Variants in GRIA1 observed in about 807,000 individuals in gnomAD.
The protein encoded by GRIA1 is glutamate ionotropic receptor AMPA type subunit 1.
GRIA1 carries 31 observed loss-of-function variants against 99.2 expected under a neutral mutation model. The observed-to-expected ratio is 0.31, with a 90% CI of 0.23 to 0.42. The LOEUF (loss-of-function observed/expected upper bound fraction) is 0.42, where lower values mean the gene tolerates loss of function less well. GRIA1 is among the 10% of genes least tolerant of loss of function. GRIA1 has a pLI of 1.00. For missense variants in GRIA1, 782 were observed against 1,157.5 expected, an observed-to-expected ratio of 0.68 and a Z score of 4.71; for synonymous variants, 438 against 432.4, an observed-to-expected ratio of 1.01 and a Z score of -0.16.
chr5:153,707,667 C>A (rs1382673974), intron 11 of GRIA1, among the ~76,000 whole-genome samples: 1 of 152,138 alleles, frequency 6.6e-6, no homozygotes, highest in South Asian at 2.1e-4. Flanking sequence ...CTACGTTTTG[C>A]ATTTCATTGT....
At chr5:153,637,862 A>C (rs749965784) in intron 2 of GRIA1, among the ~76,000 whole-genome samples, 3 of 152,196 alleles carry the variant, frequency 2.0e-5, no homozygotes, top group Admixed American at 6.5e-5. Flanking sequence ...AGCACCGTGC[A>C]ATTTTCGTTA....
chr5:153,576,220 G>A (rs1279820340), intron 2 of GRIA1, among the ~76,000 whole-genome samples: 1 of 152,170 alleles, frequency 6.6e-6, no homozygotes, highest in Admixed American at 6.5e-5. Flanking sequence ...ATAGAATTAA[G>A]TATGAATTTC....
chr5:153,692,418 G>A (rs750957086), intron 8 of GRIA1, among the ~76,000 whole-genome samples: 5 of 152,178 alleles, frequency 3.3e-5, no homozygotes, highest in South Asian at 2.1e-4. Flanking sequence ...TTTTTAAATG[G>A]TTGTAATAAA....
At chr5:153,802,591 T>G in intron 15 of GRIA1, 101 bp downstream of exon 15, 1 of 1,205,172 alleles carries the variant, frequency 8.3e-7, no homozygotes, top group Non-Finnish European at 1.2e-6. Context: ...GACAGGTGGT[T>G]GAGGTCAGCA....
chr5:153,701,464 A>C (rs1201049018), intron 10 of GRIA1, among the ~76,000 whole-genome samples: 1 of 151,692 alleles, frequency 6.6e-6, no homozygotes, highest in East Asian at 2.0e-4. Context: ...AATACAAAAA[A>C]TTAGCCGGGC....
At chr5:153,494,713 A>T (rs929941265) in intron 2 of GRIA1, among the ~76,000 whole-genome samples, 2 of 152,352 alleles carry the variant, frequency 1.3e-5, no homozygotes, top group Non-Finnish European at 2.9e-5. Flanking sequence ...GCATTGTAAA[A>T]TGTGGGCAAC....
At chr5:153,701,891 A>G (rs552264534) in intron 10 of GRIA1, among the ~76,000 whole-genome samples, 2 of 152,174 alleles carry the variant, frequency 1.3e-5, no homozygotes, top group Non-Finnish European at 2.9e-5. Flanking sequence ...TTTTCCGTCA[A>G]TAATGATAGT....
intron 10 of GRIA1, among the ~76,000 whole-genome samples, chr5:153,699,832 A>T (rs915889879): frequency 2.6e-5 from 4 of 152,202 alleles, no homozygotes; most frequent in Non-Finnish European, 4.4e-5. Flanking sequence ...AGCAGTTTTG[A>T]AAAGCTGCTG....
chr5:153,771,009 C>T (rs1439373914), intron 13 of GRIA1, among the ~76,000 whole-genome samples: 1 of 152,188 alleles, frequency 6.6e-6, no homozygotes, highest in East Asian at 1.9e-4. Context: ...GTGGACTTTA[C>T]TTTCACGAAA....
intron 7 of GRIA1, among the ~76,000 whole-genome samples, chr5:153,681,892 G>T (rs1286384034): frequency 6.6e-6 from 1 of 152,068 alleles, no homozygotes; most frequent in Non-Finnish European, 1.5e-5. Flanking sequence ...AAAGTTAGCG[G>T]GATGTGTAGC....
chr5:153,794,294 T>G (rs1336951869), intron 13 of GRIA1, among the ~76,000 whole-genome samples: 2 of 151,956 alleles, frequency 1.3e-5, no homozygotes, highest in Non-Finnish European at 2.9e-5. Flanking sequence ...AAAGTCCACT[T>G]TGCAAAGAAA....
At chr5:153,666,742 A>T (rs1755772420) in intron 5 of GRIA1, among the ~76,000 whole-genome samples, 1 of 152,218 alleles carries the variant, frequency 6.6e-6, no homozygotes, top group Admixed American at 6.5e-5. Flanking sequence ...AAATGAGATA[A>T]CACAAATAAA....
intron 2 of GRIA1, among the ~76,000 whole-genome samples, chr5:153,496,676 C>G (rs974932923): frequency 6.6e-6 from 1 of 152,182 alleles, no homozygotes; most frequent in Non-Finnish European, 1.5e-5. Context: ...AACTTTACAT[C>G]TGTCCCAATT....
At chr5:153,552,390 T>C (rs34511642) in intron 2 of GRIA1, among the ~76,000 whole-genome samples, 7,606 of 152,238 alleles carry the variant, frequency 0.05, 268 homozygotes, top group Admixed American at 0.083. Flanking sequence ...TTACATTACC[T>C]GCTTGACTCC....
At chr5:153,663,384 T>A (rs1282327173) in intron 5 of GRIA1, among the ~76,000 whole-genome samples, 2 of 152,224 alleles carry the variant, frequency 1.3e-5, no homozygotes, top group East Asian at 3.9e-4. Context: ...TTCTTAGGAC[T>A]GGTATTATAA....
intron 13 of GRIA1, among the ~76,000 whole-genome samples, chr5:153,785,273 C>T (rs1049388795): frequency 6.6e-6 from 1 of 152,102 alleles, no homozygotes; most frequent in African/African-American, 2.4e-5. Context: ...AAATTCTCAC[C>T]CTAAATAGCC....
intron 11 of GRIA1, among the ~76,000 whole-genome samples, chr5:153,719,151 G>C (rs896808917): frequency 6.6e-6 from 1 of 152,154 alleles, no homozygotes; most frequent in African/African-American, 2.4e-5. Flanking sequence ...TAAATATGCA[G>C]GGCTTTCTCA....
intron 11 of GRIA1, chr5:153,755,441 T>G (rs564935240): frequency 6.6e-6 from 1 of 152,240 alleles, no homozygotes; most frequent in African/African-American, 2.4e-5. Context: ...GGCAGGGGGA[T>G]TACTTGAGCA....
intron 11 of GRIA1, among the ~76,000 whole-genome samples, chr5:153,747,645 C>T (rs774637256): frequency 3.3e-5 from 5 of 152,218 alleles, no homozygotes; most frequent in Non-Finnish European, 7.3e-5. Flanking sequence ...CAAGCTTCCA[C>T]ACCATAGTAC....
Sources: gnomAD v4.1 joint callset for allele counts (sites outside exome capture counted in the v4.1 genomes callset) on GRCh38, gnomAD v4.1.1 for gene constraint, MANE v1.5 for transcripts, NCBI Gene and HGNC (gene_info 2026-07-23, HGNC 2026-07-21) for gene names.